Variants in NXPH1 observed in about 807,000 individuals in gnomAD.
The protein encoded by NXPH1 is neurexophilin-1.
NXPH1 carries 5 observed loss-of-function variants against 23.7 expected under a neutral mutation model. The observed-to-expected ratio is 0.21, with a 90% CI of 0.11 to 0.44. NXPH1 has a LOEUF of 0.44. Among genes scored for constraint, NXPH1 ranks in the 20% least tolerant of loss-of-function variants. The probability of loss-of-function intolerance (pLI) is 0.99; values close to 1 mark genes in which losing one functional copy is unlikely to be tolerated. For synonymous variants in NXPH1, 144 were observed against 122.2 expected, an observed-to-expected ratio of 1.18 and a Z score of -1.18; for missense variants, 324 against 321.6, an observed-to-expected ratio of 1.01 and a Z score of -0.06.
At chr7:8,666,456 C>T (rs989215679) in intron 2 of NXPH1, among the ~76,000 whole-genome samples, 1 of 151,772 alleles carries the variant, frequency 6.6e-6, no homozygotes, top group Admixed American at 6.6e-5. Flanking sequence ...TGAGAGTTTT[C>T]ATATTTATGT....
intron 2 of NXPH1, among the ~76,000 whole-genome samples, chr7:8,472,845 A>C (rs1816890956): frequency 6.6e-6 from 1 of 152,206 alleles, no homozygotes; most frequent in South Asian, 2.1e-4. Flanking sequence ...AACAAGGGGA[A>C]CTCACTTGGT....
At chr7:8,582,614 G>A (rs371848392) in intron 2 of NXPH1, among the ~76,000 whole-genome samples, 1 of 152,168 alleles carries the variant, frequency 6.6e-6, no homozygotes. Context: ...GCTTCTTCCT[G>A]TAGCTGGTAG....
chr7:8,615,437 T>C (rs145459996), intron 2 of NXPH1, among the ~76,000 whole-genome samples: 477 of 152,142 alleles, frequency 3.1e-3, no homozygotes, highest in African/African-American at 0.011. Flanking sequence ...TACAGGGGAC[T>C]TAGTAAGCTT....
At chr7:8,632,689 T>C (rs62447913) in intron 2 of NXPH1, among the ~76,000 whole-genome samples, 41,927 of 152,104 alleles carry the variant, frequency 0.28, 6,245 homozygotes, top group African/African-American at 0.35. Context: ...TGTAAGTTAA[T>C]ATACTGTTGC....
chr7:8,639,120 A>G (rs1191320137), intron 2 of NXPH1, among the ~76,000 whole-genome samples: 1 of 152,232 alleles, frequency 6.6e-6, no homozygotes, highest in Non-Finnish European at 1.5e-5. Context: ...AATAAAATTG[A>G]TAACAGAATT....
chr7:8,524,871 T>G (rs1332188995), intron 2 of NXPH1, among the ~76,000 whole-genome samples: 2 of 152,154 alleles, frequency 1.3e-5, no homozygotes. Context: ...CAATTAAACT[T>G]CTCTTTTTCT....
At chr7:8,502,019 G>A (rs574357098) in intron 2 of NXPH1, among the ~76,000 whole-genome samples, 205 of 136,596 alleles carry the variant, frequency 1.5e-3, no homozygotes, top group Non-Finnish European at 2.3e-3. Flanking sequence ...GTTAATGGGG[G>A]AGTTAACAGA....
intron 2 of NXPH1, among the ~76,000 whole-genome samples, chr7:8,633,154 C>G (rs979458097): frequency 6.6e-6 from 1 of 152,104 alleles, no homozygotes; most frequent in African/African-American, 2.4e-5. Context: ...AGTAACAGGC[C>G]GGGCATGGTG....
At chr7:8,597,675 G>A (rs1183437209) in intron 2 of NXPH1, among the ~76,000 whole-genome samples, 1 of 129,876 alleles carries the variant, frequency 7.7e-6, no homozygotes, top group African/African-American at 2.9e-5. Flanking sequence ...TGCTTATGTA[G>A]TCAGGTCCAG....
chr7:8,566,499 A>T (rs59961513), intron 2 of NXPH1, among the ~76,000 whole-genome samples: 13,830 of 151,716 alleles, frequency 0.091, 2,030 homozygotes, highest in African/African-American at 0.31. Context: ...AAAGTTGGGT[A>T]GGTAGCATCT....
At chr7:8,600,175 C>T (rs774403491) in intron 2 of NXPH1, among the ~76,000 whole-genome samples, 14 of 151,284 alleles carry the variant, frequency 9.3e-5, no homozygotes, top group Non-Finnish European at 1.8e-4. Flanking sequence ...TGGGTATATA[C>T]TCGTTCTGGG....
At position 8,442,106 on chromosome 7, in the gene NXPH1, C is replaced by T. The variant is rs1044857259; in HGVS notation, c.54+6339C>T. Among the ~76,000 whole-genome samples the T allele has an allele frequency of 6.6e-6, 1 of 152,018 alleles. No individual in the cohort carries two copies. The highest frequency in any genetic ancestry group is 1.5e-5 in the Non-Finnish European group (1 of 68,018). ...GGAGCAGCAAGACAGTAGCTCCTCT[C>T]GGGCCACGGCTTACGAAAAGCTTTC... On this transcript the variant is annotated intron_variant, in intron 2 of 2. Transcript: ENST00000405863. The surrounding 1 kb of genome is among the most constrained non-coding windows in gnomAD (Gnocchi z 4.6).
chr7:8,506,213 A>G (rs1158709912), intron 2 of NXPH1, among the ~76,000 whole-genome samples: 1 of 152,062 alleles, frequency 6.6e-6, no homozygotes, highest in African/African-American at 2.4e-5. Flanking sequence ...CTGTTGTTGC[A>G]ATGATTTTTA....
intron 2 of NXPH1, among the ~76,000 whole-genome samples, chr7:8,664,873 GA>G (rs1231862395): frequency 6.6e-6 from 1 of 151,710 alleles, no homozygotes; most frequent in East Asian, 1.9e-4. Flanking sequence ...TTTTTAATTA[GA>G]TTTTTTTTGC....
chr7:8,596,341 A>G (rs1318161607), intron 2 of NXPH1, among the ~76,000 whole-genome samples: 1 of 152,100 alleles, frequency 6.6e-6, no homozygotes, highest in Non-Finnish European at 1.5e-5. Context: ...TAGAGTTTGG[A>G]AAGTGACAGA....
At chr7:8,509,183 T>G (rs1266627464) in intron 2 of NXPH1, among the ~76,000 whole-genome samples, 2 of 152,098 alleles carry the variant, frequency 1.3e-5, no homozygotes, top group African/African-American at 2.4e-5. Context: ...ACTGCAAAAC[T>G]TATATATCTT....
At chr7:8,553,157 G>GA (rs1480865616) in intron 2 of NXPH1, among the ~76,000 whole-genome samples, 1 of 151,204 alleles carries the variant, frequency 6.6e-6, no homozygotes, top group Admixed American at 6.6e-5. Flanking sequence ...GGCTGAAAAA[G>GA]AAAAAAAGCA....
intron 2 of NXPH1, among the ~76,000 whole-genome samples, chr7:8,693,077 G>A (rs964640199): frequency 4.6e-5 from 7 of 152,110 alleles, no homozygotes; most frequent in African/African-American, 1.7e-4. Flanking sequence ...GAAAAATTTA[G>A]AGTGGAAATG....
chr7:8,455,284 A>T (rs1816575870), intron 2 of NXPH1, among the ~76,000 whole-genome samples: 1 of 152,188 alleles, frequency 6.6e-6, no homozygotes, highest in Non-Finnish European at 1.5e-5. Context: ...TAAATTAAAG[A>T]GCAACTTGTG....
Sources: allele counts gnomAD v4.1 joint callset (sites outside exome capture counted in the v4.1 genomes callset), GRCh38; gene constraint gnomAD v4.1.1; non-coding constraint Gnocchi (gnomAD v3.1); transcripts MANE v1.5; gene names NCBI Gene and HGNC (gene_info 2026-07-23, HGNC 2026-07-21).